MAGI2: variants seen among roughly 807,000 people sequenced by gnomAD.
MAGI2 encodes membrane-associated guanylate kinase, WW and PDZ domain-containing protein 2.
In MAGI2, 35 loss-of-function variants were observed where a neutral mutation model predicts 133.3. The ratio of observed to expected loss-of-function variants is 0.26; its 90% CI spans 0.20 to 0.35. MAGI2 has a LOEUF of 0.35. Among genes scored for constraint, MAGI2 ranks in the 10% least tolerant of loss-of-function variants. MAGI2 has a pLI of 1.00. For missense variants in MAGI2, 1,636 were observed against 1,863.4 expected (o/e 0.88, Z 2.25); for synonymous variants, 729 against 710.6 (o/e 1.03, Z -0.41).
Position 78,696,109 on chromosome 7 carries a change from T to C in MAGI2, c.419-68870A>G, listed in dbSNP as rs183884134. 1.3e-3 allele frequency among the ~76,000 whole-genome samples: 197 copies of C among 152,216 alleles called. 1 individual carries two copies. Among genetic ancestry groups the C allele is most frequent in the African/African-American group, 4.5e-3 (187 of 41,540 alleles). ...CACTGCCATGCCTGGATAACCTTTT[T>C]ATTTTTGTTTTGTAGAAAGAGGGTC... On this transcript the variant is annotated intron_variant, in intron 2 of 21. Transcript: ENST00000354212.
intron 1 of MAGI2, among the ~76,000 whole-genome samples, chr7:79,352,247 A>T (rs1230647189): frequency 6.6e-6 from 1 of 152,230 alleles, no homozygotes; most frequent in Non-Finnish European, 1.5e-5. Context: ...ATGCGAAGTT[A>T]GACATGGATG....
intron 14 of MAGI2, among the ~76,000 whole-genome samples, chr7:78,176,313 T>A (rs1421606419): frequency 6.6e-6 from 1 of 152,220 alleles, no homozygotes; most frequent in East Asian, 1.9e-4. Flanking sequence ...CTTCATGTCT[T>A]CTTTGGCAGC....
At chr7:78,056,140 T>C (rs1195615064) in intron 21 of MAGI2, among the ~76,000 whole-genome samples, 2 of 152,192 alleles carry the variant, frequency 1.3e-5, no homozygotes, top group Non-Finnish European at 2.9e-5. Context: ...CTGACTACTT[T>C]AGATGCCTCA....
intron 2 of MAGI2, among the ~76,000 whole-genome samples, chr7:78,865,780 A>T (rs1429081414): frequency 6.6e-6 from 1 of 152,188 alleles, no homozygotes; most frequent in Non-Finnish European, 1.5e-5. Flanking sequence ...CAAATTCTTC[A>T]TATTACAGAA....
At chr7:78,476,332 G>T (rs1192569022) in intron 6 of MAGI2, among the ~76,000 whole-genome samples, 1 of 151,956 alleles carries the variant, frequency 6.6e-6, no homozygotes, top group South Asian at 2.1e-4. Flanking sequence ...AAACCAAAGT[G>T]AAGGCAAAGA....
intron 1 of MAGI2, among the ~76,000 whole-genome samples, chr7:79,264,894 C>T (rs1402162946): frequency 3.9e-5 from 6 of 151,904 alleles, no homozygotes; most frequent in Admixed American, 1.3e-4. Flanking sequence ...CACGAGCACA[C>T]GCCAGCCTCT....
chr7:78,535,148 T>G (rs909830121), intron 3 of MAGI2, among the ~76,000 whole-genome samples: 5 of 150,240 alleles, frequency 3.3e-5, no homozygotes, highest in East Asian at 2.0e-4. Flanking sequence ...GAAAAGAAAA[T>G]AAAAAAATGA....
intron 1 of MAGI2, chr7:79,011,034 A>G (rs935438449): frequency 6.6e-6 from 1 of 152,140 alleles, no homozygotes; most frequent in Non-Finnish European, 1.5e-5. Context: ...GAACGTTTGG[A>G]ATAGAGCTCA....
Position 78,899,762 on chromosome 7 carries a change from T to C in MAGI2, c.418+107328A>G, listed in dbSNP as rs559338174. Among the ~76,000 whole-genome samples, 5 of 152,308 alleles carry C rather than the reference T, an allele frequency of 3.3e-5. No homozygotes were observed. The South Asian group carries it at 1.0e-3, about 32-fold the overall frequency. ...CAGTCTCCAAGATGATTCTGTCATATAGTCTGTGTTGAGAACTACTGTTAG... is the reference window on the plus strand; with the variant it reads ...CAGTCTCCAAGATGATTCTGTCATACAGTCTGTGTTGAGAACTACTGTTAG... On this transcript the variant is annotated intron_variant, in intron 2 of 21. Coordinates refer to ENST00000354212, the MANE Select transcript of MAGI2 (RefSeq NM_012301.4).
At chr7:79,023,237 C>G (rs1809525407) in intron 1 of MAGI2, among the ~76,000 whole-genome samples, 2 of 152,062 alleles carry the variant, frequency 1.3e-5, no homozygotes, top group South Asian at 4.1e-4. Context: ...CAGAAAACAA[C>G]ATGATTATAT....
intron 1 of MAGI2, among the ~76,000 whole-genome samples, chr7:79,039,866 TAA>T (rs1811487003): frequency 6.9e-6 from 1 of 144,970 alleles, no homozygotes; most frequent in Admixed American, 7.0e-5. Context: ...TATATATATA[TAA>T]TATATATGTA....
At chr7:79,195,029 G>A (rs1416780337) in intron 1 of MAGI2, among the ~76,000 whole-genome samples, 1 of 151,870 alleles carries the variant, frequency 6.6e-6, no homozygotes, top group African/African-American at 2.4e-5. Context: ...ATATTAGAAG[G>A]CCATTGAACC....
chr7:78,651,232 C>G (rs1347371280), intron 2 of MAGI2, among the ~76,000 whole-genome samples: 1 of 152,112 alleles, frequency 6.6e-6, no homozygotes, highest in African/African-American at 2.4e-5. Context: ...TTGGTGAACA[C>G]TTTAAGTTGC....
At chr7:78,661,592 C>T (rs887513403) in intron 2 of MAGI2, among the ~76,000 whole-genome samples, 1 of 152,148 alleles carries the variant, frequency 6.6e-6, no homozygotes, top group Non-Finnish European at 1.5e-5. Flanking sequence ...TTCTTTCTAC[C>T]CATTCTCTCT....
rs1330621694 is a variant in MAGI2, at chr7:78,284,395, C to G, written c.1409-27814G>C. On this transcript the variant is annotated intron_variant, in intron 9 of 21. Transcript: ENST00000354212. ...CTTTTATCCATGTGTCCACTCCTCT[C>G]TGCTTCACCTACCCTAATTGGTGTT... Among the ~76,000 whole-genome samples, 9 of 151,918 alleles carry G rather than the reference C, an allele frequency of 5.9e-5. 1 individual carries two copies. In the South Asian group the frequency reaches 1.9e-3, roughly 32 times the overall value.
Position 78,442,920 on chromosome 7 carries a change from C to T in MAGI2, c.1045+46841G>A, listed in dbSNP as rs576233275. 3.3e-5 allele frequency among the ~76,000 whole-genome samples: 5 copies of T among 152,212 alleles called. No individual in the cohort carries two copies. In the South Asian group the frequency reaches 8.3e-4, roughly 25 times the overall value. On this transcript the variant is annotated intron_variant, in intron 6 of 21. Transcript: ENST00000354212. ...AAGGCAGTTTCCTCATTCAGGAAAA[C>T]ACTAGTTAGTTAAAATACCATTTGT...
At chr7:78,623,072 T>G (rs1308281180) in intron 3 of MAGI2, among the ~76,000 whole-genome samples, 1 of 152,076 alleles carries the variant, frequency 6.6e-6, no homozygotes, top group Non-Finnish European at 1.5e-5. Flanking sequence ...AATTGGAACC[T>G]AAAGTTTAAG....
At position 78,582,241 on chromosome 7, in the gene MAGI2, C is replaced by T. The variant is rs551112333; in HGVS notation, c.538+44879G>A. On this transcript the variant is annotated intron_variant, in intron 3 of 21. Transcript: ENST00000354212. ...TGTGACATGTAACCATGCCCCTCAACCAGTCTTCAGGTATAAGGCAGGAAA... is the reference window on the plus strand; with the variant it reads ...TGTGACATGTAACCATGCCCCTCAATCAGTCTTCAGGTATAAGGCAGGAAA... 1.6e-4 allele frequency among the ~76,000 whole-genome samples: 24 copies of T among 152,280 alleles called. No individual in the cohort carries two copies. The South Asian group carries it at 4.2e-3, about 26-fold the overall frequency.
chr7:78,210,722 T>C (rs1787689101), intron 10 of MAGI2, among the ~76,000 whole-genome samples: 1 of 152,158 alleles, frequency 6.6e-6, no homozygotes, highest in South Asian at 2.1e-4. Context: ...CTTGGATTTG[T>C]AGAAGAATGA....
Sources: gnomAD v4.1 joint callset for allele counts (sites outside exome capture counted in the v4.1 genomes callset) on GRCh38, gnomAD v4.1.1 for gene constraint, MANE v1.5 for transcripts, NCBI Gene and HGNC (gene_info 2026-07-23, HGNC 2026-07-21) for gene names.